The following TDRP variants were observed in gnomAD, a reference collection of about 807,000 sequenced individuals.
TDRP encodes testis development-related protein.
A neutral mutation model predicts 10.5 loss-of-function variants in TDRP; 12 were observed. That is an observed-to-expected ratio of 1.15 (90% CI 0.73 to 1.86). The LOEUF is 1.86. Ranked by LOEUF, TDRP falls within the 40% of genes most tolerant of loss-of-function variation. The probability of loss-of-function intolerance (pLI) is 0.00; values close to 1 mark genes in which losing one functional copy is unlikely to be tolerated. For synonymous variants in TDRP, 139 were observed against 95.4 expected, an observed-to-expected ratio of 1.46 and a Z score of -2.67; for missense variants, 353 against 229.2, an observed-to-expected ratio of 1.54 and a Z score of -3.49.
intron 1 of TDRP, among the ~76,000 whole-genome samples, chr8:498,495 T>C (rs984937887): frequency 6.6e-6 from 1 of 152,208 alleles, no homozygotes; most frequent in Non-Finnish European, 1.5e-5. Flanking sequence ...GTCTTTAAAG[T>C]AACTAACTTG....
intron 1 of TDRP, among the ~76,000 whole-genome samples, chr8:513,261 A>G (rs1161297566): frequency 6.6e-6 from 1 of 152,152 alleles, no homozygotes; most frequent in Non-Finnish European, 1.5e-5. Context: ...AAACTTCCTC[A>G]CCAAAATGCC....
At chr8:523,644 C>A (rs147127841) in intron 1 of TDRP, among the ~76,000 whole-genome samples, 6 of 152,250 alleles carry the variant, frequency 3.9e-5, no homozygotes, top group Admixed American at 3.9e-4. Context: ...GAGTTAACAT[C>A]GGCAATAGCC....
At chr8:510,508 A>G (rs1020591009) in intron 1 of TDRP, among the ~76,000 whole-genome samples, 34 of 152,250 alleles carry the variant, frequency 2.2e-4, no homozygotes, top group Non-Finnish European at 4.6e-4. Flanking sequence ...TAGCTTATAA[A>G]GGAAGCCCCA....
chr8:515,804 T>C (rs1489207775), intron 1 of TDRP, among the ~76,000 whole-genome samples: 2 of 152,194 alleles, frequency 1.3e-5, no homozygotes, highest in African/African-American at 4.8e-5. Context: ...GTGCTAAATA[T>C]ATAAACTGAA....
Position 543,842 on chromosome 8 carries a change from A to G in TDRP, c.108+808T>C, listed in dbSNP as rs548826135. Among the ~76,000 whole-genome samples, 23 of 151,080 alleles carry G rather than the reference A, an allele frequency of 1.5e-4. No homozygotes were observed. In the South Asian group the frequency reaches 3.8e-3, roughly 25 times the overall value. ...GAGGAAGTTGCCACACGTTTAACAG[A>G]AAGAGATATTTTATGATCCAGAATG... is the stretch of plus-strand genomic sequence containing the variant. On this transcript the variant is annotated intron_variant, in intron 1 of 2. Coordinates refer to ENST00000324079, the MANE Select transcript of TDRP (RefSeq NM_001384899.1).
intron 1 of TDRP, among the ~76,000 whole-genome samples, chr8:496,940 T>C (rs1801153416): frequency 6.6e-6 from 1 of 152,224 alleles, no homozygotes; most frequent in African/African-American, 2.4e-5. Flanking sequence ...GTGCCTTGCT[T>C]CCATTTCTGC....
chr8:530,058 ATTT>A, intron 1 of TDRP, among the ~76,000 whole-genome samples: 1 of 141,330 alleles, frequency 7.1e-6, no homozygotes, highest in East Asian at 2.0e-4. Flanking sequence ...TTTACTTTTC[ATTT>A]TTTTTTTCTG....
chr8:499,963 T>C (rs975659732), intron 1 of TDRP, among the ~76,000 whole-genome samples: 12 of 151,960 alleles, frequency 7.9e-5, no homozygotes, highest in African/African-American at 2.7e-4. Flanking sequence ...CCCTGTAGAG[T>C]GTTCTATGGG....
At chr8:522,903 C>G (rs186542121) in intron 1 of TDRP, among the ~76,000 whole-genome samples, 156 of 152,270 alleles carry the variant, frequency 1.0e-3, no homozygotes, top group Middle Eastern at 6.8e-3. Context: ...TTTCAGCTTA[C>G]GTGTATCCTT....
chr8:513,453 C>T (rs1296743482), intron 1 of TDRP, among the ~76,000 whole-genome samples: 1 of 152,122 alleles, frequency 6.6e-6, no homozygotes, highest in Admixed American at 6.5e-5. Flanking sequence ...AAATCCAATA[C>T]TCTTTCATGA....
intron 1 of TDRP, among the ~76,000 whole-genome samples, chr8:514,167 A>G (rs1019623469): frequency 1.1e-4 from 17 of 152,220 alleles, no homozygotes; most frequent in African/African-American, 3.9e-4. Context: ...AAGTAAGAGA[A>G]CTCACACTTG....
chr8:519,983 T>C (rs1369970944), intron 1 of TDRP, among the ~76,000 whole-genome samples: 1 of 152,174 alleles, frequency 6.6e-6, no homozygotes, highest in African/African-American at 2.4e-5. Context: ...GCTAAATAAA[T>C]GCGTGTAAGG....
chr8:543,121 A>T (rs973676815), intron 1 of TDRP, among the ~76,000 whole-genome samples: 12 of 152,112 alleles, frequency 7.9e-5, no homozygotes, highest in African/African-American at 2.9e-4. Context: ...CTGCCTGGAC[A>T]ACATAGCAAG....
chr8:537,888 G>C (rs1166136166), intron 1 of TDRP, among the ~76,000 whole-genome samples: 1 of 152,200 alleles, frequency 6.6e-6, no homozygotes, highest in Non-Finnish European at 1.5e-5. Flanking sequence ...AAAAGAGTAA[G>C]ACTTCTTTCA....
At chr8:545,448 TC>T (rs1003872330), upstream of TDRP, among the ~76,000 whole-genome samples, 1 of 74,346 alleles carries the variant, frequency 1.3e-5, no homozygotes. Flanking sequence ...GACTGCCCCC[TC>T]CCCCCACCCT....
At chr8:519,563 G>A (rs969757973) in intron 1 of TDRP, among the ~76,000 whole-genome samples, 4 of 151,956 alleles carry the variant, frequency 2.6e-5, no homozygotes, top group African/African-American at 4.8e-5. Flanking sequence ...TATACAGACT[G>A]AAAAACCCCC....
intron 1 of TDRP, among the ~76,000 whole-genome samples, chr8:512,034 C>G (rs1208579214): frequency 2.0e-5 from 3 of 151,374 alleles, no homozygotes; most frequent in Non-Finnish European, 4.4e-5. Flanking sequence ...CTAAAGGAAG[C>G]AAAAGGTAGG....
chr8:516,467 T>TTG (rs1303590329), intron 1 of TDRP, among the ~76,000 whole-genome samples: 2 of 152,122 alleles, frequency 1.3e-5, no homozygotes, highest in Non-Finnish European at 2.9e-5. Context: ...AACAGACACT[T>TTG]CACCAAAGAC....
At chr8:506,463 C>T (rs561362219) in intron 1 of TDRP, among the ~76,000 whole-genome samples, 17 of 152,170 alleles carry the variant, frequency 1.1e-4, no homozygotes, top group Non-Finnish European at 2.4e-4. Flanking sequence ...CTGTGGCTGA[C>T]ACTAAGCCGC....
Sources: allele counts gnomAD v4.1 joint callset (sites outside exome capture counted in the v4.1 genomes callset), GRCh38; gene constraint gnomAD v4.1.1; transcripts MANE v1.5; gene names NCBI Gene and HGNC (gene_info 2026-07-23, HGNC 2026-07-21).